RIMS2: variants seen among roughly 807,000 people sequenced by gnomAD.
RIMS2 encodes the protein regulating synaptic membrane exocytosis protein 2.
RIMS2 carries 59 observed loss-of-function variants against 174.4 expected under a neutral mutation model. The observed-to-expected ratio is 0.34, with a 90% CI of 0.27 to 0.42. RIMS2 has a LOEUF of 0.42. Ranked by LOEUF, RIMS2 falls within the 10% of genes least tolerant of loss-of-function variation. The pLI is 1.00. For missense variants in RIMS2, 1,620 were observed against 1,666.3 expected, an observed-to-expected ratio of 0.97 and a Z score of 0.48; for synonymous variants, 606 against 572.5, an observed-to-expected ratio of 1.06 and a Z score of -0.84.
chr8:104,033,316 A>G (rs1369601702), intron 19 of RIMS2, among the ~76,000 whole-genome samples: 1 of 152,016 alleles, frequency 6.6e-6, no homozygotes, highest in Non-Finnish European at 1.5e-5. Context: ...TATGATTTAT[A>G]TATCAAAAAT....
At chr8:104,172,027 A>G (rs1293004805) in intron 19 of RIMS2, among the ~76,000 whole-genome samples, 3 of 152,180 alleles carry the variant, frequency 2.0e-5, no homozygotes, top group Non-Finnish European at 4.4e-5. Context: ...TTGGAATGGC[A>G]GGAATCTCTT....
intron 19 of RIMS2, among the ~76,000 whole-genome samples, chr8:104,139,039 A>AT (rs1421442598): frequency 3.3e-5 from 5 of 152,088 alleles, no homozygotes; most frequent in South Asian, 4.1e-4. Context: ...ACCTCAATGT[A>AT]TGTTCTTAAC....
At chr8:103,929,400 C>T (rs554131074) in intron 11 of RIMS2, among the ~76,000 whole-genome samples, 9 of 151,794 alleles carry the variant, frequency 5.9e-5, no homozygotes, top group Non-Finnish European at 1.3e-4. Context: ...GTTTAACCCC[C>T]CAAAAGGTTC....
chr8:103,760,128 G>A (rs1397127556), intron 2 of RIMS2, among the ~76,000 whole-genome samples: 6 of 152,302 alleles, frequency 3.9e-5, no homozygotes, highest in Admixed American at 6.5e-5. Flanking sequence ...AAGCCACAGC[G>A]ATAGCCAACA....
chr8:104,194,635 G>A (rs981873758), intron 19 of RIMS2, among the ~76,000 whole-genome samples: 2 of 152,124 alleles, frequency 1.3e-5, no homozygotes, highest in African/African-American at 4.8e-5. Flanking sequence ...GTCTGACCCA[G>A]AGTGGGTGTT....
intron 6 of RIMS2, among the ~76,000 whole-genome samples, chr8:103,912,937 G>A (rs1367438636): frequency 6.7e-6 from 1 of 149,312 alleles, no homozygotes. Context: ...AGACAACATA[G>A]TGAAGTCCTG....
intron 19 of RIMS2, among the ~76,000 whole-genome samples, chr8:104,194,449 A>C (rs2099013670): frequency 6.6e-6 from 1 of 152,314 alleles, no homozygotes; most frequent in South Asian, 2.1e-4. Context: ...AAATTAAAGA[A>C]GTTTTTGAGC....
chr8:104,240,655 A>G (rs1210966621), intron 19 of RIMS2, among the ~76,000 whole-genome samples: 1 of 152,144 alleles, frequency 6.6e-6, no homozygotes, highest in Admixed American at 6.6e-5. Flanking sequence ...AAACTCGTAG[A>G]CATTAGAACT....
intron 19 of RIMS2, among the ~76,000 whole-genome samples, chr8:104,164,986 C>G (rs1196643173): frequency 6.6e-6 from 1 of 152,106 alleles, no homozygotes; most frequent in East Asian, 1.9e-4. Context: ...AAAGAGATGG[C>G]ATTTCATATA....
At chr8:104,021,708 T>C (rs2096095339) in intron 19 of RIMS2, among the ~76,000 whole-genome samples, 1 of 152,014 alleles carries the variant, frequency 6.6e-6, no homozygotes, top group Non-Finnish European at 1.5e-5. Flanking sequence ...TGTTATGCTT[T>C]CTTCTTATTT....
chr8:104,176,804 T>C (rs1353152278), intron 19 of RIMS2, among the ~76,000 whole-genome samples: 1 of 152,014 alleles, frequency 6.6e-6, no homozygotes, highest in Non-Finnish European at 1.5e-5. Flanking sequence ...TTCTCAATAC[T>C]TCTGTAAGCT....
In RIMS2 at chr8:103,921,677, A is replaced by C. The variant is rs1396437298; in HGVS notation, c.2089A>C (p.Ser697Arg). 2.2e-6 allele frequency: 3 copies of C among 1,343,918 alleles called. No individual in the cohort carries two copies. Among genetic ancestry groups the C allele is most frequent in the Non-Finnish European group, 3.2e-6 (3 of 933,972 alleles). 83.2% of individuals were successfully genotyped at this position (1,343,918 alleles called of 1,614,324 possible). ...ATGTGTAATTATCGTTTCAGGTTCT[A>C]GCTCCTTTGAATCTCAAAAAATGGA... Residue 697 changes from serine to arginine, a missense_variant, in exon 10 of 24, where the codon AGC becomes CGC. Transcript: ENST00000504942.
intron 1 of RIMS2, among the ~76,000 whole-genome samples, chr8:103,633,331 G>A (rs145225901): frequency 6.6e-6 from 1 of 152,158 alleles, no homozygotes; most frequent in African/African-American, 2.4e-5. Flanking sequence ...ACAGGTGTGA[G>A]CCACCATGCC....
intron 1 of RIMS2, among the ~76,000 whole-genome samples, chr8:103,529,692 C>T (rs1270731369): frequency 6.6e-6 from 1 of 152,216 alleles, no homozygotes; most frequent in Admixed American, 6.5e-5. Context: ...GTTGGAAATC[C>T]AGAAATCACC....
At chr8:103,766,301 T>C (rs2098170476) in exon 3 of RIMS2, 2 of 1,613,322 alleles carry the variant, frequency 1.2e-6, no homozygotes, top group Admixed American at 1.7e-5. Flanking sequence ...TTTATAATAG[T>C]GGATCTAATA....
intron 17 of RIMS2, among the ~76,000 whole-genome samples, chr8:104,003,978 T>TGA (rs1158209455): frequency 6.6e-6 from 1 of 152,136 alleles, no homozygotes; most frequent in Non-Finnish European, 1.5e-5. Context: ...ATTTGGATTT[T>TGA]GAGAGAGTGC....
intron 2 of RIMS2, among the ~76,000 whole-genome samples, chr8:103,741,315 G>A (rs1056999491): frequency 1.3e-5 from 2 of 151,978 alleles, no homozygotes; most frequent in African/African-American, 2.4e-5. Flanking sequence ...AAATGCTGAG[G>A]AAATATGTTC....
chr8:103,953,306 C>T (rs548007304), intron 14 of RIMS2, among the ~76,000 whole-genome samples: 2 of 152,298 alleles, frequency 1.3e-5, no homozygotes, highest in Non-Finnish European at 2.9e-5. Flanking sequence ...TTGTCAGATT[C>T]ACCAAGGTTG....
chr8:104,222,332 G>A (rs2099159223), intron 19 of RIMS2, among the ~76,000 whole-genome samples: 1 of 152,148 alleles, frequency 6.6e-6, no homozygotes, highest in East Asian at 1.9e-4. Flanking sequence ...TTAATTGAAT[G>A]AGTATTTGAA....
Sources: allele counts gnomAD v4.1 joint callset (sites outside exome capture counted in the v4.1 genomes callset), GRCh38; gene constraint gnomAD v4.1.1; transcripts MANE v1.5; gene names NCBI Gene and HGNC (gene_info 2026-07-23, HGNC 2026-07-21).